The following OXCT1 variants were observed in gnomAD, a reference collection of about 807,000 sequenced individuals.
OXCT1 encodes succinyl-CoA:3-ketoacid coenzyme A transferase 1, mitochondrial.
Under a neutral mutation model 69.6 loss-of-function variants are expected in OXCT1, and 27 were observed. That is an observed-to-expected ratio of 0.39 (90% confidence interval 0.29 to 0.54). The LOEUF (loss-of-function observed/expected upper bound fraction) is 0.54. Ranked by LOEUF, OXCT1 falls within the 20% of genes least tolerant of loss-of-function variation. The pLI is 0.72. For missense variants in OXCT1, 437 were observed against 650.2 expected (o/e 0.67, Z 3.57); for synonymous variants, 202 against 217.8 (o/e 0.93, Z 0.64).
At chr5:41,747,517 T>C (rs1743557395) in intron 15 of OXCT1, among the ~76,000 whole-genome samples, 2 of 152,066 alleles carry the variant, frequency 1.3e-5, no homozygotes, top group African/African-American at 4.8e-5. Context: ...TGGTTTGTGC[T>C]AAGTTAGGAT....
intron 6 of OXCT1, 99 bp downstream of exon 6, chr5:41,842,576 G>T: frequency 1.2e-6 from 1 of 854,282 alleles, no homozygotes; most frequent in Non-Finnish European, 2.0e-6. Context: ...GTATGATTTT[G>T]GGCCATTACG....
intron 14 of OXCT1, among the ~76,000 whole-genome samples, chr5:41,760,518 G>C (rs1744295924): frequency 6.6e-6 from 1 of 152,044 alleles, no homozygotes; most frequent in Non-Finnish European, 1.5e-5. Context: ...GAAAGGACTT[G>C]GGTGGAAGAA....
intron 16 of OXCT1, among the ~76,000 whole-genome samples, chr5:41,739,072 T>A (rs374620218): frequency 6.6e-6 from 1 of 152,346 alleles, no homozygotes; most frequent in East Asian, 1.9e-4. Context: ...AGCTGCCATA[T>A]AACCAAAGAA....
intron 11 of OXCT1, among the ~76,000 whole-genome samples, chr5:41,797,467 G>A (rs1041245768): frequency 1.3e-5 from 2 of 152,156 alleles, no homozygotes; most frequent in Non-Finnish European, 2.9e-5. Context: ...CACATAGAAT[G>A]TCCAAGTTTG....
At chr5:41,821,942 G>T (rs1405200067) in intron 7 of OXCT1, among the ~76,000 whole-genome samples, 1 of 152,046 alleles carries the variant, frequency 6.6e-6, no homozygotes, top group Non-Finnish European at 1.5e-5. Flanking sequence ...TTTTAACGAA[G>T]TCCAACCTAT....
chr5:41,850,253 G>A, intron 4 of OXCT1, 74 bp from the exon 5 acceptor site: 4 of 1,534,276 alleles, frequency 2.6e-6, no homozygotes, highest in Non-Finnish European at 2.7e-6. Flanking sequence ...ATTTAGACGT[G>A]GTTCCTACTA....
rs947597026 is a variant in OXCT1, at chr5:41,739,330, C to T, written c.1521+60G>A. 12 of 1,063,226 alleles carry T rather than the reference C, an allele frequency of 1.1e-5. No homozygotes were observed. In the African/African-American group the frequency reaches 1.7e-4, roughly 15 times the overall value. The allele number at this position is 1,063,226 out of a possible 1,614,324, so 65.9% of individuals were successfully genotyped here. A position where few individuals can be genotyped will look rare whatever the true frequency, so the allele number is the denominator to read the frequency against. On this transcript the variant is annotated intron_variant, in intron 16 of 16. Transcript: ENST00000196371. ...ATTAATGGTTCATGTCCTGCAAACA[C>T]CCATTAATCAAGCCTATAATATAAG...
At chr5:41,853,333 C>G in intron 4 of OXCT1, 86 bp downstream of exon 4, 2 of 1,242,112 alleles carry the variant, frequency 1.6e-6, no homozygotes, top group Non-Finnish European at 2.3e-6. Context: ...TTCTGCCTTA[C>G]CTCTTTTGCA....
At chr5:41,783,850 A>G (rs1434211041) in intron 13 of OXCT1, among the ~76,000 whole-genome samples, 1 of 152,228 alleles carries the variant, frequency 6.6e-6, no homozygotes, top group Non-Finnish European at 1.5e-5. Context: ...GTTGTTCAAA[A>G]TATATCATAT....
intron 16 of OXCT1, among the ~76,000 whole-genome samples, chr5:41,734,509 C>T (rs146292069): frequency 2.1e-3 from 325 of 152,236 alleles, no homozygotes; most frequent in African/African-American, 7.5e-3. Context: ...AATACTTTCG[C>T]CCATCAAGTA....
At chr5:41,744,507 T>A (rs913174535) in intron 15 of OXCT1, among the ~76,000 whole-genome samples, 4 of 152,196 alleles carry the variant, frequency 2.6e-5, no homozygotes, top group Non-Finnish European at 2.9e-5. Flanking sequence ...CTATGTTGAA[T>A]AGGAGTGGTG....
At chr5:41,823,687 C>T (rs963788838) in intron 7 of OXCT1, among the ~76,000 whole-genome samples, 6 of 152,156 alleles carry the variant, frequency 3.9e-5, no homozygotes, top group East Asian at 1.9e-4. Context: ...CCTCCTGGCA[C>T]GTTAGGCCTG....
At chr5:41,809,000 T>G (rs1225734741) in intron 7 of OXCT1, among the ~76,000 whole-genome samples, 1 of 152,072 alleles carries the variant, frequency 6.6e-6, no homozygotes, top group East Asian at 1.9e-4. Flanking sequence ...AAAACAACTT[T>G]AATGTCAGCA....
chr5:41,830,392 G>A (rs192437389), intron 7 of OXCT1, among the ~76,000 whole-genome samples: 1 of 152,232 alleles, frequency 6.6e-6, no homozygotes, highest in African/African-American at 2.4e-5. Flanking sequence ...AACTCAACTG[G>A]CTGATGTGAG....
chr5:41,755,798 C>T (rs1347495300), intron 14 of OXCT1, among the ~76,000 whole-genome samples: 1 of 151,988 alleles, frequency 6.6e-6, no homozygotes, highest in Non-Finnish European at 1.5e-5. Flanking sequence ...AAATAAAGAA[C>T]AGCAGGAAAG....
intron 13 of OXCT1, among the ~76,000 whole-genome samples, chr5:41,793,090 T>C (rs1484084638): frequency 2.0e-5 from 3 of 152,232 alleles, no homozygotes; most frequent in Non-Finnish European, 4.4e-5. Context: ...TGAGCTAGAC[T>C]AACATGATCT....
At chr5:41,793,937 T>G in intron 13 of OXCT1, 66 bp downstream of exon 13, 1 of 957,640 alleles carries the variant, frequency 1.0e-6, no homozygotes, top group Middle Eastern at 2.2e-4. Flanking sequence ...ATGGCCCTTT[T>G]TCTTAGTATT....
chr5:41,812,413 G>T (rs1408106346), intron 7 of OXCT1, among the ~76,000 whole-genome samples: 2 of 152,030 alleles, frequency 1.3e-5, no homozygotes, highest in Non-Finnish European at 2.9e-5. Context: ...ATGAGGAAGA[G>T]AATTGCATAT....
At chr5:41,777,935 ATT>A (rs2112166582) in intron 13 of OXCT1, among the ~76,000 whole-genome samples, 1 of 152,338 alleles carries the variant, frequency 6.6e-6, no homozygotes, top group South Asian at 2.1e-4. Flanking sequence ...TAATACAGCC[ATT>A]TTTGTAATAT....
Sources: gnomAD v4.1 joint callset for allele counts (sites outside exome capture counted in the v4.1 genomes callset) on GRCh38, gnomAD v4.1.1 for gene constraint, MANE v1.5 for transcripts, NCBI Gene and HGNC (gene_info 2026-07-23, HGNC 2026-07-21) for gene names.